The following MTSS1 variants were observed in gnomAD, a reference collection of about 807,000 sequenced individuals.
MTSS1 encodes MTSS I-BAR domain containing 1, also known as protein MTSS 1.
In MTSS1, 18 loss-of-function variants were observed where a neutral mutation model predicts 79.0. The ratio of observed to expected loss-of-function variants is 0.23; its 90% CI spans 0.16 to 0.34. The LOEUF (loss-of-function observed/expected upper bound fraction) is 0.34. Among genes scored for constraint, MTSS1 ranks in the 10% least tolerant of loss-of-function variants. The probability of loss-of-function intolerance (pLI) is 1.00; values close to 1 mark genes in which losing one functional copy is unlikely to be tolerated. For synonymous variants in MTSS1, 341 were observed against 368.6 expected (o/e 0.93, Z 0.86); for missense variants, 815 against 986.2 (o/e 0.83, Z 2.33).
chr8:124,717,726 A>G (rs1832301622), intron 1 of MTSS1, among the ~76,000 whole-genome samples: 1 of 152,182 alleles, frequency 6.6e-6, no homozygotes. Flanking sequence ...AAAATTAAAA[A>G]GAAAAACAGC....
chr8:124,685,749 C>T (rs1426430356), intron 3 of MTSS1, among the ~76,000 whole-genome samples: 1 of 152,180 alleles, frequency 6.6e-6, no homozygotes, highest in Non-Finnish European at 1.5e-5. Context: ...TATAATTATA[C>T]ATCATACTTA....
intron 3 of MTSS1, among the ~76,000 whole-genome samples, chr8:124,638,984 A>T (rs562741490): frequency 6.6e-6 from 1 of 152,234 alleles, no homozygotes; most frequent in Non-Finnish European, 1.5e-5. Flanking sequence ...ACATTGTCAC[A>T]ACAAAAAAGT....
intron 3 of MTSS1, among the ~76,000 whole-genome samples, chr8:124,602,116 C>T (rs975827633): frequency 6.9e-6 from 1 of 145,348 alleles, no homozygotes; most frequent in African/African-American, 2.6e-5. Context: ...TGTCTTGGGC[C>T]ACATATAAAA....
intron 3 of MTSS1, among the ~76,000 whole-genome samples, chr8:124,598,055 T>C (rs548025559): frequency 1.3e-3 from 192 of 152,300 alleles, no homozygotes; most frequent in African/African-American, 4.5e-3. Flanking sequence ...GGAGGATCAC[T>C]TAAGTTTGGT....
At chr8:124,583,303 T>C (rs1325903350) in intron 6 of MTSS1, among the ~76,000 whole-genome samples, 1 of 152,180 alleles carries the variant, frequency 6.6e-6, no homozygotes, top group Non-Finnish European at 1.5e-5. Context: ...CAGATGCCTC[T>C]CTTCATGTTA....
At chr8:124,570,777 A>G (rs1346641568) in intron 6 of MTSS1, among the ~76,000 whole-genome samples, 2 of 152,096 alleles carry the variant, frequency 1.3e-5, no homozygotes, top group East Asian at 3.8e-4. Context: ...ATCATAGCTC[A>G]TTGCAGCCTC....
At chr8:124,595,308 G>A (rs1832569411) in intron 3 of MTSS1, among the ~76,000 whole-genome samples, 1 of 152,154 alleles carries the variant, frequency 6.6e-6, no homozygotes, top group Non-Finnish European at 1.5e-5. Flanking sequence ...TAAAACAACA[G>A]AAGTTTATTA....
intron 3 of MTSS1, among the ~76,000 whole-genome samples, chr8:124,641,122 G>T (rs558659119): frequency 6.6e-5 from 10 of 151,950 alleles, no homozygotes; most frequent in African/African-American, 1.9e-4. Context: ...GAGCTCATCT[G>T]GGGGAGGGGA....
chr8:124,603,612 C>T (rs1834298850), intron 3 of MTSS1, among the ~76,000 whole-genome samples: 1 of 152,298 alleles, frequency 6.6e-6, no homozygotes, highest in African/African-American at 2.4e-5. Flanking sequence ...AAAGTGGCAT[C>T]ATTTGATGCC....
intron 6 of MTSS1, among the ~76,000 whole-genome samples, chr8:124,572,588 C>A (rs1275154108): frequency 6.6e-6 from 1 of 152,144 alleles, no homozygotes; most frequent in African/African-American, 2.4e-5. Flanking sequence ...ACGGACTTGA[C>A]TCCATCCTCG....
At chr8:124,679,710 C>G (rs1825837584) in intron 3 of MTSS1, among the ~76,000 whole-genome samples, 1 of 152,216 alleles carries the variant, frequency 6.6e-6, no homozygotes, top group Non-Finnish European at 1.5e-5. Context: ...TCATAACCTT[C>G]CCTATCCATG....
intron 3 of MTSS1, among the ~76,000 whole-genome samples, chr8:124,680,934 C>G (rs1826029322): frequency 6.6e-6 from 1 of 152,096 alleles, no homozygotes; most frequent in Non-Finnish European, 1.5e-5. Flanking sequence ...ACCCTCCTGG[C>G]CAGAGTGGGG....
intron 3 of MTSS1, among the ~76,000 whole-genome samples, chr8:124,604,914 A>G (rs975807627): frequency 6.6e-6 from 1 of 152,224 alleles, no homozygotes; most frequent in East Asian, 1.9e-4. Context: ...CAAGCATGAG[A>G]TTCTGGCATG....
intron 3 of MTSS1, among the ~76,000 whole-genome samples, chr8:124,636,014 C>CTGGAGGG (rs568296791): frequency 1.6e-3 from 251 of 152,280 alleles, no homozygotes; most frequent in African/African-American, 5.8e-3. Context: ...TACATTCACA[C>CTGGAGGG]TGGAGGGTGG....
chr8:124,621,240 T>A (rs894123340), intron 3 of MTSS1, among the ~76,000 whole-genome samples: 4 of 152,240 alleles, frequency 2.6e-5, no homozygotes, highest in African/African-American at 9.6e-5. Flanking sequence ...GTGATTAGTT[T>A]TCAACATGAG....
chr8:124,694,775 G>A (rs1294202220), intron 3 of MTSS1, among the ~76,000 whole-genome samples: 2 of 152,112 alleles, frequency 1.3e-5, no homozygotes, highest in Non-Finnish European at 2.9e-5. Context: ...TGTGAAGGAA[G>A]CAGAGACCCT....
At chr8:124,563,053 T>G in intron 9 of MTSS1, 61 bp from the exon 10 acceptor site, 1 of 1,430,508 alleles carries the variant, frequency 7.0e-7, no homozygotes, top group African/African-American at 1.4e-5. Flanking sequence ...GGAGCAGTGG[T>G]AAGAGGAAGG....
chr8:124,612,578 G>A (rs1836036655), intron 3 of MTSS1, among the ~76,000 whole-genome samples: 1 of 46,218 alleles, frequency 2.2e-5, no homozygotes, highest in Non-Finnish European at 3.8e-5. Flanking sequence ...TTTAAAATGT[G>A]TGTGTGTGTG....
At chr8:124,594,252 C>T (rs567949151) in intron 3 of MTSS1, among the ~76,000 whole-genome samples, 11 of 152,272 alleles carry the variant, frequency 7.2e-5, no homozygotes, top group East Asian at 3.9e-4. Flanking sequence ...ATGAACTGGC[C>T]GGGCTCAGTG....
Sources: allele counts gnomAD v4.1 joint callset (sites outside exome capture counted in the v4.1 genomes callset), GRCh38; gene constraint gnomAD v4.1.1; transcripts MANE v1.5; gene names NCBI Gene and HGNC (gene_info 2026-07-23, HGNC 2026-07-21).